Variants in TTF2 observed in about 807,000 individuals in gnomAD.
TTF2 encodes the protein transcription termination factor 2, also known as RNA polymerase II termination factor.
TTF2 carries 108 observed loss-of-function variants against 142.4 expected under a neutral mutation model. The observed-to-expected ratio is 0.76, with a 90% CI of 0.65 to 0.89. The LOEUF is 0.89. Among genes scored for constraint, TTF2 ranks in the 40% least tolerant of loss-of-function variants. The probability of loss-of-function intolerance (pLI) is 0.00; values close to 1 mark genes in which losing one functional copy is unlikely to be tolerated. For missense variants in TTF2, 1,327 were observed against 1,379.8 expected (o/e 0.96, Z 0.61); for synonymous variants, 483 against 506.2 (o/e 0.95, Z 0.61).
rs1304216359 is a variant in TTF2 at position 117,073,633 on chromosome 1, T to A, written c.219-28T>A. On this transcript the variant is annotated intron_variant, in intron 3 of 22. Transcript: ENST00000369466. This position sits in a 1 kb window ranked among gnomAD's most constrained non-coding sequence, Gnocchi z 4.4. ...TTGTTCTAATGGATTTTCATAGCCT[T>A]GATTATTTGTGTTTTATACTTCATT... The A allele has an allele frequency of 6.3e-7, 1 of 1,580,948 alleles. No individual in the cohort carries two copies. Among genetic ancestry groups the A allele is most frequent in the Non-Finnish European group, 8.7e-7 (1 of 1,155,352 alleles).
chr1:117,072,973 G>GA (rs1553194483), intron 3 of TTF2, among the ~76,000 whole-genome samples: 1 of 151,430 alleles, frequency 6.6e-6, no homozygotes, highest in Non-Finnish European at 1.5e-5. Flanking sequence ...AAATGTCATA[G>GA]TTTTTTTTTA....
At position 117,097,145 on chromosome 1, in the gene TTF2, A is replaced by G. The variant is rs1649221465; in HGVS notation, c.3187-206A>G. Among the ~76,000 whole-genome samples the G allele has an allele frequency of 6.6e-6, 1 of 152,142 alleles. No individual in the cohort carries two copies. The highest frequency in any genetic ancestry group is 1.5e-5 in the Non-Finnish European group (1 of 68,024). ...AATTTTTTGAGGTTGACTCACACACACACAAAATGTGATGTGAGAATTTTC... is the reference window on the plus strand; with the variant it reads ...AATTTTTTGAGGTTGACTCACACACGCACAAAATGTGATGTGAGAATTTTC... On this transcript the variant is annotated intron_variant, in intron 20 of 22. Coordinates refer to ENST00000369466, the MANE Select transcript of TTF2 (RefSeq NM_003594.4). This position sits in a 1 kb window ranked among gnomAD's most constrained non-coding sequence, Gnocchi z 4.1.
chr1:117,088,535 CT>C (rs1377633230), intron 12 of TTF2, among the ~76,000 whole-genome samples: 1 of 151,076 alleles, frequency 6.6e-6, no homozygotes, highest in Non-Finnish European at 1.5e-5. Flanking sequence ...AGACTCCCAT[CT>C]CAAAAAAAAA....
chr1:117,089,101 G>C, intron 13 of TTF2, 119 bp downstream of exon 13: 1 of 1,067,808 alleles, frequency 9.4e-7, no homozygotes, highest in Non-Finnish European at 1.3e-6. Context: ...GAGATGGCAG[G>C]CCTGTCAACC....
Position 117,103,241 on chromosome 1 carries a change from C to T in TTF2, c.*1717C>T, listed in dbSNP as rs1649725990. 1 of 152,220 alleles carries T rather than the reference C, an allele frequency of 6.6e-6. No homozygotes were observed. The highest frequency in any genetic ancestry group is 6.5e-5 in the Admixed American group (1 of 15,282). 9.4% of individuals were successfully genotyped at this position (152,220 alleles called of 1,614,324 possible). A position where few individuals can be genotyped will look rare whatever the true frequency, so the allele number is the denominator to read the frequency against. ...CCCTCCTCGCCCCAGCTCACCTACA[C>T]TGGACTATGACATGATCAAGGAATC... is the stretch of plus-strand genomic sequence containing the variant. On this transcript the variant is annotated 3_prime_UTR_variant, in exon 23 of 23. Coordinates refer to ENST00000369466, the MANE Select transcript of TTF2 (RefSeq NM_003594.4).
chr1:117,072,012 G>T (rs1463765439), intron 3 of TTF2, among the ~76,000 whole-genome samples: 3 of 152,102 alleles, frequency 2.0e-5, no homozygotes, highest in African/African-American at 7.2e-5. Flanking sequence ...AGCTGGAGAT[G>T]GGGGAGATGG....
At chr1:117,067,950 TA>T (rs1656277431) in intron 3 of TTF2, among the ~76,000 whole-genome samples, 1 of 152,206 alleles carries the variant, frequency 6.6e-6, no homozygotes, top group African/African-American at 2.4e-5. Context: ...TGCAGATCTC[TA>T]ACTGAAACAC....
chr1:117,074,150 G>T (rs1656802095), intron 4 of TTF2, among the ~76,000 whole-genome samples: 1 of 152,150 alleles, frequency 6.6e-6, no homozygotes. Flanking sequence ...TTCAGTACGT[G>T]AGGAACTAGA....
At position 117,088,831 on chromosome 1, in the gene TTF2, T is replaced by C. The variant is rs1431706577; in HGVS notation, c.2191T>C (p.Trp731Arg). 1.2e-6 allele frequency: 2 copies of C among 1,613,974 alleles called. No homozygotes were observed. The highest frequency in any genetic ancestry group is 1.1e-5 in the South Asian group (1 of 91,028). ...GTSTPLLRIA[W>R]ARIILDEAHN... Reference sequence around the variant, plus strand: ...CTCAACACCTTTGCTTCGAATAGCCTGGGCTCGAATCATATTGGATGAAGC... The same window carrying C: ...CTCAACACCTTTGCTTCGAATAGCCCGGGCTCGAATCATATTGGATGAAGC... The change falls in exon 13 of 23, where the codon TGG becomes CGG. Residue 731 changes from tryptophan to arginine, a missense_variant. Trp to Arg is a moderately radical substitution (Grantham distance 101). Transcript: ENST00000369466.
rs137919655 is a variant in TTF2, at chr1:117,086,645, G to A, written c.2160+123G>A. On this transcript the variant is annotated intron_variant, in intron 12 of 22. Transcript: ENST00000369466. The surrounding 1 kb of genome is among the most constrained non-coding windows in gnomAD (Gnocchi z 4.2). Reference sequence around the variant, plus strand: ...AGGTCAGGAATGCTGTAAATGATCCGCATGTGGAAAGGAATTGTTCTTTCC... The same window carrying A: ...AGGTCAGGAATGCTGTAAATGATCCACATGTGGAAAGGAATTGTTCTTTCC... 2.2e-3 allele frequency: 1,441 copies of A among 666,472 alleles called. 4 individuals carry two copies. The highest frequency in any genetic ancestry group is 3.7e-3 in the Middle Eastern group (9 of 2,428). The allele number at this position is 666,472 out of a possible 1,614,324, so 41.3% of individuals were successfully genotyped here. A position where few individuals can be genotyped will look rare whatever the true frequency, so the allele number is the denominator to read the frequency against.
chr1:117,096,188 A>G lies in TTF2; in HGVS notation c.3075A>G (p.Val1025=), dbSNP rs1235665697. ...VSQWTNMLKV[V]ALHLKKHGLT... ...AGTGGACCAACATGCTGAAAGTTGT[A>G]GCATTGCACCTGAAGAAGCATGGAC... is the stretch of plus-strand genomic sequence containing the variant. The change falls in exon 20 of 23, where the codon GTA becomes GTG. Residue 1025 remains valine (V), a synonymous_variant. Coordinates refer to ENST00000369466, the MANE Select transcript of TTF2 (RefSeq NM_003594.4). 4 of 1,614,008 alleles carry G rather than the reference A, an allele frequency of 2.5e-6. No homozygotes were observed. The highest frequency in any genetic ancestry group is 3.4e-6 in the Non-Finnish European group (4 of 1,180,032).
chr1:117,094,785 A>G (rs543790676), intron 18 of TTF2: 5 of 389,624 alleles, frequency 1.3e-5, no homozygotes, highest in Admixed American at 3.6e-5. Context: ...AGCAATTAAT[A>G]TACAGTATGA....
intron 3 of TTF2, among the ~76,000 whole-genome samples, chr1:117,069,870 T>C (rs990657341): frequency 6.6e-6 from 1 of 152,240 alleles, no homozygotes; most frequent in East Asian, 1.9e-4. Flanking sequence ...TGGCTTCTTC[T>C]AGCTGGTCCC....
At chr1:117,074,746 C>T (rs890425007) in intron 4 of TTF2, 124 bp from the exon 5 acceptor site, 6 of 898,650 alleles carry the variant, frequency 6.7e-6, no homozygotes, top group Middle Eastern at 3.5e-4. Flanking sequence ...GCAATATACT[C>T]ATATAACAAA....
rs538571805 is a variant in TTF2, at chr1:117,088,881, G to A, written c.2241G>A (p.Val747=). 3.1e-6 allele frequency: 5 copies of A among 1,614,052 alleles called. No individual in the cohort carries two copies. The highest frequency in any genetic ancestry group is 4.2e-6 in the Non-Finnish European group (5 of 1,180,016). ...CTCACAATGTTAAGAATCCCCGAGT[G>A]CAGACTTCCATAGCTGTGTGTAAGC... ...DEAHNVKNPR[V]QTSIAVCKLQ... The change falls in exon 13 of 23, where the codon GTG becomes GTA. Residue 747 remains valine, a synonymous_variant. Coordinates refer to ENST00000369466, the MANE Select transcript of TTF2 (RefSeq NM_003594.4).
In TTF2 at chr1:117,075,690, C is replaced by T. The variant is rs1318158847; in HGVS notation, c.1106C>T (p.Pro369Leu). ...TTTGTTTCCTCTAAGCCTGGGAGCC[C>T]CCTACTCTTTGACTCGACTCTGGAC... ...VVFVSSKPGS[P>L]LLFDSTLDLE... The change falls in exon 5 of 23, where the codon CCC becomes CTC. Residue 369 changes from proline (P) to leucine (L), a missense_variant. By Grantham distance (98) the Pro-to-Leu change is moderately conservative. Transcript: ENST00000369466. The surrounding 1 kb of genome is among the most constrained non-coding windows in gnomAD (Gnocchi z 4.5). 15 of 1,614,044 alleles carry T rather than the reference C, an allele frequency of 9.3e-6. No individual in the cohort carries two copies. The highest frequency in any genetic ancestry group is 1.3e-5 in the African/African-American group (1 of 74,924).
chr1:117,097,217 A>C lies in TTF2; in HGVS notation c.3187-134A>C, dbSNP rs370425588. On this transcript the variant is annotated intron_variant, in intron 20 of 22. Coordinates refer to ENST00000369466, the MANE Select transcript of TTF2 (RefSeq NM_003594.4). The surrounding 1 kb of genome is among the most constrained non-coding windows in gnomAD (Gnocchi z 4.1). ...TAGCATTATAATGTTAAAAAAAAAA[A>C]CAATTTATAACAGCAGAAGGAAATT... 37 of 742,278 alleles carry C rather than the reference A, an allele frequency of 5.0e-5. No homozygotes were observed. Among genetic ancestry groups the C allele is most frequent in the Admixed American group, 1.6e-4 (6 of 38,392 alleles). 46.0% of individuals were successfully genotyped at this position (742,278 alleles called of 1,614,324 possible). A position where few individuals can be genotyped will look rare whatever the true frequency, so the allele number is the denominator to read the frequency against.
At position 117,077,914 on chromosome 1, in the gene TTF2, A is replaced by C. The variant is rs1461068298; in HGVS notation, c.1574-2A>C. On this transcript the variant is annotated splice_acceptor_variant, in intron 7 of 22. Coordinates refer to ENST00000369466, the MANE Select transcript of TTF2 (RefSeq NM_003594.4). LOFTEE classifies it high-confidence loss of function. ...TTTTAGGTAACACCTATTTGTATGC[A>C]GGCCATACAAACCAAGATCACGTTC... The C allele has an allele frequency of 6.2e-7, 1 of 1,614,122 alleles. No individual in the cohort carries two copies.
rs909836257 is a variant in TTF2 at position 117,099,584 on chromosome 1, T to C, written c.3344+677T>C. Among the ~76,000 whole-genome samples the C allele has an allele frequency of 2.0e-5, 3 of 152,214 alleles. No homozygotes were observed. The highest frequency in any genetic ancestry group is 4.4e-5 in the Non-Finnish European group (3 of 68,034). ...GTGTTTTATGACATTGACATTTTGA[T>C]GAGCATGAGCCAGTTATTTTGCAAA... On this transcript the variant is annotated intron_variant, in intron 22 of 22. Coordinates refer to ENST00000369466, the MANE Select transcript of TTF2 (RefSeq NM_003594.4). The surrounding 1 kb of genome is among the most constrained non-coding windows in gnomAD (Gnocchi z 4.3).
Sources: allele counts gnomAD v4.1 joint callset (sites outside exome capture counted in the v4.1 genomes callset), GRCh38; gene constraint gnomAD v4.1.1; non-coding constraint Gnocchi (gnomAD v3.1); transcripts MANE v1.5; gene names NCBI Gene and HGNC (gene_info 2026-07-23, HGNC 2026-07-21).